The following PEAK1 variants were observed in gnomAD, a reference collection of about 807,000 sequenced individuals.
PEAK1 encodes pseudopodium enriched atypical kinase 1.
Under a neutral mutation model 124.7 loss-of-function variants are expected in PEAK1, and 54 were observed. The ratio of observed to expected loss-of-function variants is 0.43; its 90% confidence interval spans 0.35 to 0.54. PEAK1 has a LOEUF of 0.54. Among genes scored for constraint, PEAK1 ranks in the 20% least tolerant of loss-of-function variants. The pLI is 0.01. For synonymous variants in PEAK1, 719 were observed against 760.0 expected (o/e 0.95, Z 0.89); for missense variants, 2,046 against 2,134.5 (o/e 0.96, Z 0.82).
At chr15:77,338,977 G>A (rs1394459281) in intron 2 of PEAK1, among the ~76,000 whole-genome samples, 1 of 152,088 alleles carries the variant, frequency 6.6e-6, no homozygotes, top group African/African-American at 2.4e-5. Flanking sequence ...TACATGTAAT[G>A]TTAAGATGAA....
At chr15:77,351,544 G>C (rs773574675) in intron 2 of PEAK1, among the ~76,000 whole-genome samples, 6 of 152,152 alleles carry the variant, frequency 3.9e-5, no homozygotes, top group Non-Finnish European at 8.8e-5. Context: ...CCCAAGTAAA[G>C]GGTATTTAAA....
At chr15:77,314,162 AG>A (rs2064719694) in intron 2 of PEAK1, among the ~76,000 whole-genome samples, 1 of 152,138 alleles carries the variant, frequency 6.6e-6, no homozygotes, top group African/African-American at 2.4e-5. Context: ...TTGTGTTATA[AG>A]AGTTAAAGCA....
Position 77,283,948 on chromosome 15 carries a change from C to T in PEAK1, c.-340G>A. The T allele has an allele frequency of 1.0e-6, 1 of 982,806 alleles. No homozygotes were observed. The highest frequency in any genetic ancestry group is 1.2e-6 in the Non-Finnish European group (1 of 827,572). 60.9% of individuals were successfully genotyped at this position (982,806 alleles called of 1,614,324 possible). ...CTTTCATATTAGAAAATGTTTGTTT[C>T]TCCTTCTTGGATTTTTTCATAAATC... On this transcript the variant is annotated 5_prime_UTR_variant, in exon 5 of 10. Transcript: ENST00000682557.
chr15:77,417,967 G>T (rs2073023473), intron 1 of PEAK1: 1 of 970,910 alleles, frequency 1.0e-6, no homozygotes, highest in African/African-American at 1.8e-5. Flanking sequence ...AATGTACAAA[G>T]ATAAATGTTT....
intron 2 of PEAK1, among the ~76,000 whole-genome samples, chr15:77,312,939 A>G (rs954035785): frequency 4.6e-5 from 7 of 152,358 alleles, no homozygotes; most frequent in Admixed American, 6.5e-5. Context: ...TACATTTAAC[A>G]TGGTAGAATT....
chr15:77,219,598 A>C (rs1214794525), intron 6 of PEAK1, among the ~76,000 whole-genome samples: 4 of 152,114 alleles, frequency 2.6e-5, no homozygotes, highest in Non-Finnish European at 5.9e-5. Context: ...GTAGAGTGTA[A>C]CGCTGCCATA....
chr15:77,231,230 C>T (rs2059898086), intron 6 of PEAK1, among the ~76,000 whole-genome samples: 1 of 151,720 alleles, frequency 6.6e-6, no homozygotes, highest in Non-Finnish European at 1.5e-5. Flanking sequence ...CCATTCTAAC[C>T]TTTCTTGCAA....
chr15:77,149,172 T>G (rs1398544897), intron 8 of PEAK1, among the ~76,000 whole-genome samples: 3 of 152,202 alleles, frequency 2.0e-5, no homozygotes, highest in Non-Finnish European at 4.4e-5. Flanking sequence ...CTAAATCCCA[T>G]GGATCCGTCA....
chr15:77,120,198 G>C (rs2051783466), intron 9 of PEAK1, among the ~76,000 whole-genome samples: 1 of 152,160 alleles, frequency 6.6e-6, no homozygotes, highest in Non-Finnish European at 1.5e-5. Context: ...CTCCATCCTA[G>C]TTTTTCATTG....
chr15:77,417,467 G>A (rs1442164865), intron 1 of PEAK1: 32 of 774,388 alleles, frequency 4.1e-5, no homozygotes, highest in Admixed American at 2.0e-4. Context: ...GGCGGGGGGG[G>A]AGGGGGGCAA....
At chr15:77,151,426 A>G (rs1321384251) in intron 8 of PEAK1, among the ~76,000 whole-genome samples, 3 of 152,122 alleles carry the variant, frequency 2.0e-5, no homozygotes, top group Admixed American at 6.6e-5. Context: ...TGTCAGATGA[A>G]TAGATTGCAA....
rs940855453 is a variant in PEAK1, at chr15:77,374,440, A to T, written c.-665-9215T>A. On this transcript the variant is annotated intron_variant, in intron 1 of 9. Transcript: ENST00000682557. The stretch of plus-strand genomic sequence containing the variant: ...TTCAATAATGTATAATTATTTTGAA[A>T]GTCATCAATAAAATATATATCACAC... Among the ~76,000 whole-genome samples, 6 of 152,286 alleles carry T rather than the reference A, an allele frequency of 3.9e-5. No individual in the cohort carries two copies. In the East Asian group the frequency reaches 9.6e-4, roughly 24 times the overall value.
chr15:77,265,886 G>A (rs955125701), intron 5 of PEAK1, among the ~76,000 whole-genome samples: 9 of 152,284 alleles, frequency 5.9e-5, no homozygotes, highest in African/African-American at 1.9e-4. Context: ...ACTGGATTAA[G>A]AAAATGTGGC....
chr15:77,403,734 C>T (rs937182485), intron 1 of PEAK1: 5 of 957,346 alleles, frequency 5.2e-6, no homozygotes, highest in Non-Finnish European at 5.0e-6. Flanking sequence ...CTCCATCTTA[C>T]AGGAACAAAA....
intron 2 of PEAK1, among the ~76,000 whole-genome samples, chr15:77,363,536 T>C (rs2068034712): frequency 6.6e-6 from 1 of 152,168 alleles, no homozygotes; most frequent in African/African-American, 2.4e-5. Flanking sequence ...AACCTTTTGC[T>C]GGGGGCTCCC....
At chr15:77,266,265 T>A (rs1284401016) in intron 5 of PEAK1, among the ~76,000 whole-genome samples, 2 of 151,676 alleles carry the variant, frequency 1.3e-5, no homozygotes, top group South Asian at 2.1e-4. Flanking sequence ...TAAAAAAAAA[T>A]AAAAATAAAA....
chr15:77,348,221 C>A (rs2066990809), intron 2 of PEAK1: 2 of 975,084 alleles, frequency 2.1e-6, no homozygotes, highest in Non-Finnish European at 2.4e-6. Flanking sequence ...GATCAGAGAC[C>A]CACCTGTACT....
At chr15:77,268,084 A>G (rs946476680) in intron 5 of PEAK1, among the ~76,000 whole-genome samples, 5 of 152,242 alleles carry the variant, frequency 3.3e-5, no homozygotes, top group African/African-American at 9.6e-5. Flanking sequence ...TGCCTCAGAA[A>G]TAGAACTGAA....
Position 77,400,652 on chromosome 15 carries a change from C to T in PEAK1, c.-666+19354G>A, listed in dbSNP as rs2071297876. 2.0e-5 allele frequency among the ~76,000 whole-genome samples: 3 copies of T among 151,944 alleles called. No individual in the cohort carries two copies. In the South Asian group the frequency reaches 6.2e-4, roughly 32 times the overall value. ...GGATGAATTTATCAGGACATAATCCCATTATAAGTTGAGGAACATCTATAT... is the reference window on the plus strand; with the variant it reads ...GGATGAATTTATCAGGACATAATCCTATTATAAGTTGAGGAACATCTATAT... On this transcript the variant is annotated intron_variant, in intron 1 of 9. Transcript: ENST00000682557.
Sources: allele counts gnomAD v4.1 joint callset (sites outside exome capture counted in the v4.1 genomes callset), GRCh38; gene constraint gnomAD v4.1.1; transcripts MANE v1.5; gene names NCBI Gene and HGNC (gene_info 2026-07-23, HGNC 2026-07-21).